SOBP: variants seen among roughly 807,000 people sequenced by gnomAD.
The protein encoded by SOBP is sine oculis binding protein homolog.
In SOBP, 4 loss-of-function variants were observed where a neutral mutation model predicts 53.6. That is an observed-to-expected ratio of 0.07 (90% confidence interval 0.04 to 0.17). The LOEUF (loss-of-function observed/expected upper bound fraction) is 0.17. Ranked by LOEUF, SOBP falls within the 10% of genes least tolerant of loss-of-function variation. SOBP has a pLI of 1.00. For missense variants in SOBP, 1,088 were observed against 1,204.7 expected (o/e 0.90, Z 1.43); for synonymous variants, 584 against 522.6 (o/e 1.12, Z -1.60).
At chr6:107,494,237 A>G (rs1562569847) in intron 1 of SOBP, among the ~76,000 whole-genome samples, 1 of 152,332 alleles carries the variant, frequency 6.6e-6, no homozygotes, top group East Asian at 1.9e-4. Flanking sequence ...GAATGTTGTG[A>G]TTGTGTCTAA....
chr6:107,542,501 G>C (rs956157700), intron 4 of SOBP, among the ~76,000 whole-genome samples: 2 of 152,172 alleles, frequency 1.3e-5, no homozygotes, highest in African/African-American at 4.8e-5. Context: ...TGTTGAGCAG[G>C]ATGGGTGATA....
chr6:107,656,580 C>A (rs903290022), intron 6 of SOBP, among the ~76,000 whole-genome samples: 1 of 152,304 alleles, frequency 6.6e-6, no homozygotes, highest in South Asian at 2.1e-4. Flanking sequence ...CATTTCCTGT[C>A]GTGCACAGTG....
At chr6:107,572,783 G>A (rs1785111977) in intron 4 of SOBP, among the ~76,000 whole-genome samples, 1 of 152,222 alleles carries the variant, frequency 6.6e-6, no homozygotes, top group African/African-American at 2.4e-5. Flanking sequence ...AATGATAAAG[G>A]TGTCCTCTGT....
intron 5 of SOBP, among the ~76,000 whole-genome samples, chr6:107,632,660 T>C (rs1770767303): frequency 1.3e-5 from 2 of 152,226 alleles, no homozygotes; most frequent in African/African-American, 4.8e-5. Flanking sequence ...TGATGTCTAG[T>C]GATTTCCAAT....
At chr6:107,627,168 T>G (rs1316975401) in intron 5 of SOBP, among the ~76,000 whole-genome samples, 1 of 152,188 alleles carries the variant, frequency 6.6e-6, no homozygotes, top group Non-Finnish European at 1.5e-5. Flanking sequence ...TCATGGTATA[T>G]TAATACTCTT....
At chr6:107,606,896 G>C (rs1786405627) in intron 5 of SOBP, among the ~76,000 whole-genome samples, 1 of 152,192 alleles carries the variant, frequency 6.6e-6, no homozygotes, top group South Asian at 2.1e-4. Context: ...GTCCAACGTG[G>C]AGCTTATCAC....
Position 107,643,562 on chromosome 6 carries a change from G to A in SOBP, c.*3+8093G>A, listed in dbSNP as rs561488935. Among the ~76,000 whole-genome samples the A allele has an allele frequency of 1.2e-3, 183 of 151,956 alleles. 1 individual carries two copies. The highest frequency in any genetic ancestry group is 2.0e-3 in the Non-Finnish European group (137 of 67,954). ...CTCCCAAGTAGCTGGGATTACAGGC[G>A]CGCACCACCATGTCCAGCTAATTTT... On this transcript the variant is annotated intron_variant, in intron 6 of 6. Coordinates refer to ENST00000317357, the MANE Select transcript of SOBP (RefSeq NM_018013.4).
chr6:107,548,169 C>T (rs1247814319), intron 4 of SOBP, among the ~76,000 whole-genome samples: 1 of 152,096 alleles, frequency 6.6e-6, no homozygotes. Flanking sequence ...TTACCAACAA[C>T]AACAAAAGGA....
At chr6:107,569,694 G>T (rs1373773392) in intron 4 of SOBP, among the ~76,000 whole-genome samples, 1 of 152,232 alleles carries the variant, frequency 6.6e-6, no homozygotes, top group African/African-American at 2.4e-5. Context: ...ATGTAGTACA[G>T]TATGCATTCA....
At chr6:107,644,855 A>T (rs1771489275) in intron 6 of SOBP, among the ~76,000 whole-genome samples, 1 of 152,246 alleles carries the variant, frequency 6.6e-6, no homozygotes, top group South Asian at 2.1e-4. Flanking sequence ...CAAATGTTGA[A>T]AAAATAATTC....
At chr6:107,561,480 T>C (rs1318187240) in intron 4 of SOBP, among the ~76,000 whole-genome samples, 1 of 152,218 alleles carries the variant, frequency 6.6e-6, no homozygotes, top group Non-Finnish European at 1.5e-5. Flanking sequence ...CTGCCCCGAC[T>C]GAGGAGGCTT....
At chr6:107,549,747 T>C (rs916286619) in intron 4 of SOBP, among the ~76,000 whole-genome samples, 3 of 152,216 alleles carry the variant, frequency 2.0e-5, no homozygotes, top group African/African-American at 7.2e-5. Flanking sequence ...GATATTTGGC[T>C]AAATATTTGA....
chr6:107,653,003 A>G (rs1398881104), intron 6 of SOBP, among the ~76,000 whole-genome samples: 1 of 152,188 alleles, frequency 6.6e-6, no homozygotes, highest in Admixed American at 6.5e-5. Context: ...AATGCATGTG[A>G]CTTGCTTTAT....
intron 6 of SOBP, among the ~76,000 whole-genome samples, chr6:107,645,059 G>C (rs1241912920): frequency 6.6e-6 from 1 of 151,954 alleles, no homozygotes; most frequent in Non-Finnish European, 1.5e-5. Context: ...ATGAAGATGA[G>C]GGCTACTGGT....
chr6:107,649,293 G>A (rs1166384553), intron 6 of SOBP, among the ~76,000 whole-genome samples: 2 of 151,532 alleles, frequency 1.3e-5, no homozygotes, highest in Non-Finnish European at 2.9e-5. Context: ...ACCAGTCTGG[G>A]CAACACAGGG....
At chr6:107,512,312 T>C (rs899256487) in intron 3 of SOBP, among the ~76,000 whole-genome samples, 5 of 152,166 alleles carry the variant, frequency 3.3e-5, no homozygotes, top group Non-Finnish European at 1.5e-5. Flanking sequence ...TTAGCATGGG[T>C]TCAACCCTTT....
chr6:107,496,080 G>C (rs1432200522), intron 1 of SOBP, among the ~76,000 whole-genome samples: 4 of 152,202 alleles, frequency 2.6e-5, no homozygotes, highest in Non-Finnish European at 4.4e-5. Flanking sequence ...GAGATTTGCT[G>C]AATGTATATT....
At chr6:107,498,108 T>A (rs1782745479) in intron 1 of SOBP, among the ~76,000 whole-genome samples, 1 of 152,244 alleles carries the variant, frequency 6.6e-6, no homozygotes, top group Admixed American at 6.5e-5. Flanking sequence ...GATTAAGTGC[T>A]AAGCATTGTG....
chr6:107,619,652 G>GAA (rs973888083), intron 5 of SOBP, among the ~76,000 whole-genome samples: 9 of 152,130 alleles, frequency 5.9e-5, no homozygotes, highest in Admixed American at 6.5e-5. Flanking sequence ...ACCTGAGAGA[G>GAA]TATTCATATT....
Sources: gnomAD v4.1 joint callset for allele counts (sites outside exome capture counted in the v4.1 genomes callset) on GRCh38, gnomAD v4.1.1 for gene constraint, MANE v1.5 for transcripts, NCBI Gene and HGNC (gene_info 2026-07-23, HGNC 2026-07-21) for gene names.